Variants in DNAH6 observed in about 807,000 individuals in gnomAD.
DNAH6 encodes the protein dynein axonemal heavy chain 6.
A neutral mutation model predicts 491.4 loss-of-function variants in DNAH6; 340 were observed. The ratio of observed to expected loss-of-function variants is 0.69; its 90% CI spans 0.63 to 0.76. The LOEUF (loss-of-function observed/expected upper bound fraction) is 0.76. DNAH6 is among the 30% of genes least tolerant of loss of function. DNAH6 has a pLI of 0.00. For synonymous variants in DNAH6, 1,603 were observed against 1,686.1 expected (o/e 0.95, Z 1.21); for missense variants, 4,443 against 4,972.2 (o/e 0.89, Z 3.20).
intron 3 of DNAH6, 62 bp downstream of exon 3, chr2:84,525,800 A>T (rs1676557424): frequency 3.3e-6 from 4 of 1,223,658 alleles, no homozygotes; most frequent in Non-Finnish European, 3.4e-6. Context: ...TAGCATTGCT[A>T]GCATACTTTT....
At chr2:84,472,560 C>G in the DNAH6 span, among the ~76,000 whole-genome samples, 7 of 152,104 alleles carry the variant, frequency 4.6e-5, no homozygotes, top group Non-Finnish European at 7.4e-5. Context: ...GGAGATAAAC[C>G]TCTAGGGTTA....
chr2:84,596,279 G>A (rs1247381490), intron 18 of DNAH6, among the ~76,000 whole-genome samples: 1 of 152,038 alleles, frequency 6.6e-6, no homozygotes, highest in Non-Finnish European at 1.5e-5. Context: ...TTAAGAAACG[G>A]GATATGATTT....
At chr2:84,716,834 T>C (rs559138087) in intron 58 of DNAH6, among the ~76,000 whole-genome samples, 27 of 152,218 alleles carry the variant, frequency 1.8e-4, no homozygotes, top group African/African-American at 6.5e-4. Context: ...TTGATGGCAT[T>C]GAAAAGGGAA....
intron 4 of DNAH6, among the ~76,000 whole-genome samples, chr2:84,540,471 A>G (rs1158819354): frequency 1.3e-5 from 2 of 152,198 alleles, no homozygotes; most frequent in Non-Finnish European, 2.9e-5. Flanking sequence ...ACTGCAGTGT[A>G]TAACAGATTG....
At chr2:84,743,770 C>T (rs761075255) in intron 62 of DNAH6, among the ~76,000 whole-genome samples, 17 of 152,028 alleles carry the variant, frequency 1.1e-4, no homozygotes, top group Non-Finnish European at 1.8e-4. Flanking sequence ...TGCAGTGAGC[C>T]GAGAACACGC....
chr2:84,606,570 G>A (rs190125184), intron 20 of DNAH6, among the ~76,000 whole-genome samples: 62 of 152,210 alleles, frequency 4.1e-4, no homozygotes, highest in African/African-American at 1.4e-3. Context: ...TTGAGAGAAA[G>A]TGATAATTCA....
rs970160621 is a variant in DNAH6 at position 84,653,530 on chromosome 2, C to T, written c.5290C>T (p.Arg1764Ter). The T allele has an allele frequency of 1.6e-5, 25 of 1,551,192 alleles. No homozygotes were observed. The highest frequency in any genetic ancestry group is 2.0e-5 in the Admixed American group (1 of 50,956). The change falls in exon 34 of 77, where the codon CGA becomes TGA. Residue 1764 changes from arginine to a stop codon, truncating the protein, a stop_gained. Transcript: ENST00000389394. LOFTEE classifies it high-confidence loss of function. ...PTGGGKTTVY[R>*]ILAETLGNLQ... ...AGGAGGCGGCAAGACCACAGTTTACCGAATACTAGCAGAAACTTTAGGGAA... is the reference window on the plus strand; with the variant it reads ...AGGAGGCGGCAAGACCACAGTTTACTGAATACTAGCAGAAACTTTAGGGAA...
At chr2:84,714,798 A>ACCT (rs1367542983) in intron 57 of DNAH6, among the ~76,000 whole-genome samples, 4 of 151,412 alleles carry the variant, frequency 2.6e-5, no homozygotes, top group East Asian at 2.0e-4. Context: ...ATTTCCAGGA[A>ACCT]CCTCACGTCA....
At chr2:84,493,022 A>G in the DNAH6 span, among the ~76,000 whole-genome samples, 9 of 152,080 alleles carry the variant, frequency 5.9e-5, no homozygotes, top group East Asian at 1.7e-3. Flanking sequence ...TTTTCTATAT[A>G]CTACATGTAT....
chr2:84,750,737 G>T (rs1673394420), intron 63 of DNAH6: 1 of 152,026 alleles, frequency 6.6e-6, no homozygotes, highest in South Asian at 2.1e-4. Context: ...TTGACTCTTA[G>T]TCACATCCTT....
intron 4 of DNAH6, among the ~76,000 whole-genome samples, chr2:84,532,661 T>C (rs1471824370): frequency 1.3e-5 from 2 of 152,170 alleles, no homozygotes; most frequent in South Asian, 2.1e-4. Flanking sequence ...GATAAGCCTA[T>C]TGAATTTTTC....
chr2:84,502,874 C>A, the DNAH6 span, among the ~76,000 whole-genome samples: 1 of 151,984 alleles, frequency 6.6e-6, no homozygotes, highest in Non-Finnish European at 1.5e-5. Context: ...TATTTTTCAT[C>A]TATGTGTGTC....
intron 35 of DNAH6, among the ~76,000 whole-genome samples, chr2:84,656,988 A>G (rs1406730938): frequency 6.6e-6 from 1 of 151,880 alleles, no homozygotes; most frequent in Admixed American, 6.6e-5. Flanking sequence ...TTTATAATCC[A>G]TTTTCAGTTA....
Position 84,621,259 on chromosome 2 carries a change from C to T in DNAH6, c.3861C>T (p.Ala1287=), listed in dbSNP as rs369285821. 1.6e-5 allele frequency: 25 copies of T among 1,551,488 alleles called. No individual in the cohort carries two copies. Among genetic ancestry groups the T allele is most frequent in the Middle Eastern group, 1.7e-4 (1 of 6,006 alleles). ...VEEWLGKVEE[A]MFTSLRRLCK... is the part of the protein sequence containing the mutation. ...AATGGCTTGGTAAAGTGGAAGAAGCCATGTTCACATCTCTGCGTCGCCTGT... is the reference window on the plus strand; with the variant it reads ...AATGGCTTGGTAAAGTGGAAGAAGCTATGTTCACATCTCTGCGTCGCCTGT... The change falls in exon 25 of 77, where the codon GCC becomes GCT. Residue 1287 remains alanine (A), a synonymous_variant. Coordinates refer to ENST00000389394, the MANE Select transcript of DNAH6 (RefSeq NM_001370.2).
chr2:84,624,387 C>T lies in DNAH6; in HGVS notation c.4194C>T (p.Ser1398=). ...ATATAGTCACTGAACTTGTTCAATC[C>T]AAGGTAACTGTTTCATTTAAGTAAA... ...ARDIVTELVQ[S]KVETVESFDW... is the part of the protein sequence containing the mutation. The change falls in exon 27 of 77, where the codon TCC becomes TCT. Residue 1398 remains serine, a synonymous_variant. Transcript: ENST00000389394. 1.3e-6 allele frequency: 2 copies of T among 1,550,074 alleles called. No individual in the cohort carries two copies. The highest frequency in any genetic ancestry group is 2.7e-5 in the African/African-American group (2 of 73,046).
intron 10 of DNAH6, among the ~76,000 whole-genome samples, chr2:84,557,523 G>A (rs551967710): frequency 4.0e-5 from 6 of 150,488 alleles, no homozygotes; most frequent in South Asian, 2.1e-4. Context: ...GGTGGCGGGC[G>A]CCTGTAGTCC....
intron 4 of DNAH6, among the ~76,000 whole-genome samples, chr2:84,535,683 CA>C (rs72518363): frequency 0.098 from 9,865 of 101,096 alleles, 886 homozygotes; most frequent in African/African-American, 0.26. Flanking sequence ...ACCAGAAAAG[CA>C]AAAAAAAAAA....
At chr2:84,803,135 AC>A (rs1336869435) in intron 70 of DNAH6, among the ~76,000 whole-genome samples, 1 of 152,196 alleles carries the variant, frequency 6.6e-6, no homozygotes, top group Non-Finnish European at 1.5e-5. Flanking sequence ...CAAATTAACA[AC>A]CTAATGTTGC....
rs139088922 is a variant in DNAH6, at chr2:84,552,403, T to C, written c.1486-515T>C. On this transcript the variant is annotated intron_variant, in intron 9 of 76. Transcript: ENST00000389394. ...ACTATGCCTGGCACACAGTAAACTC[T>C]CTGCAAATGTCGTTACTGAATAAAC... 4.0e-3 allele frequency among the ~76,000 whole-genome samples: 613 copies of C among 152,324 alleles called. 9 individuals carry two copies. The highest frequency in any genetic ancestry group is 1.9e-3 in the Non-Finnish European group (126 of 68,030).
Sources: allele counts gnomAD v4.1 joint callset (sites outside exome capture counted in the v4.1 genomes callset), GRCh38; gene constraint gnomAD v4.1.1; transcripts MANE v1.5; gene names NCBI Gene and HGNC (gene_info 2026-07-23, HGNC 2026-07-21).